Variants in SLC14A2 observed in about 807,000 individuals in gnomAD.
SLC14A2 encodes urea transporter 2.
A neutral mutation model predicts 104.6 loss-of-function variants in SLC14A2; 91 were observed. The ratio of observed to expected loss-of-function variants is 0.87; its 90% CI spans 0.73 to 1.04. The LOEUF (loss-of-function observed/expected upper bound fraction) is 1.04, where lower values mean the gene tolerates loss of function less well. SLC14A2 is among the 50% of genes least tolerant of loss of function. The probability of loss-of-function intolerance (pLI) is 0.00; values close to 1 mark genes in which losing one functional copy is unlikely to be tolerated. For synonymous variants in SLC14A2, 476 were observed against 466.4 expected (o/e 1.02, Z -0.27); for missense variants, 1,189 against 1,156.0 (o/e 1.03, Z -0.41).
At chr18:45,599,107 A>C (rs2044753561) in intron 2 of SLC14A2, among the ~76,000 whole-genome samples, 1 of 152,226 alleles carries the variant, frequency 6.6e-6, no homozygotes, top group Non-Finnish European at 1.5e-5. Flanking sequence ...TATAAATATA[A>C]ACAAGTCTAT....
At chr18:45,295,954 A>G (rs1412243083) in intron 1 of SLC14A2, among the ~76,000 whole-genome samples, 5 of 152,096 alleles carry the variant, frequency 3.3e-5, no homozygotes, top group African/African-American at 7.2e-5. Context: ...AAGGAAAGGA[A>G]GATTCTTAGT....
intron 2 of SLC14A2, among the ~76,000 whole-genome samples, chr18:45,547,084 C>T (rs552641880): frequency 1.2e-4 from 18 of 152,236 alleles, no homozygotes; most frequent in East Asian, 5.8e-4. Flanking sequence ...GCTAATCAGA[C>T]GGTCCAGAGC....
At chr18:45,402,932 T>C (rs1250783257) in intron 1 of SLC14A2, among the ~76,000 whole-genome samples, 1 of 152,210 alleles carries the variant, frequency 6.6e-6, no homozygotes, top group Non-Finnish European at 1.5e-5. Flanking sequence ...TACCTCAACT[T>C]CCAGTTGTTA....
intron 1 of SLC14A2, among the ~76,000 whole-genome samples, chr18:45,251,708 A>G (rs1291425146): frequency 6.6e-6 from 1 of 152,050 alleles, no homozygotes. Context: ...TCCTCTTATA[A>G]CGACACCAGT....
At chr18:45,405,796 G>A (rs1030650943) in intron 1 of SLC14A2, among the ~76,000 whole-genome samples, 7 of 151,854 alleles carry the variant, frequency 4.6e-5, no homozygotes, top group Non-Finnish European at 8.8e-5. Context: ...CTACTGGGGA[G>A]GCTGAGGCAG....
At chr18:45,555,913 G>A (rs2044126968) in intron 2 of SLC14A2, among the ~76,000 whole-genome samples, 1 of 152,202 alleles carries the variant, frequency 6.6e-6, no homozygotes, top group African/African-American at 2.4e-5. Context: ...CGTTGGCATT[G>A]CATTGGAGTG....
chr18:45,207,591 T>C, the SLC14A2 span, among the ~76,000 whole-genome samples: 2 of 152,180 alleles, frequency 1.3e-5, no homozygotes, highest in African/African-American at 4.8e-5. Context: ...TCAGTCATAA[T>C]ACTTAACTGG....
intron 1 of SLC14A2, among the ~76,000 whole-genome samples, chr18:45,343,763 G>A (rs2085420567): frequency 6.6e-6 from 1 of 152,106 alleles, no homozygotes; most frequent in African/African-American, 2.4e-5. Context: ...TGATTCCTTT[G>A]AGTAATCAAA....
chr18:45,474,241 C>A (rs1396256478), intron 1 of SLC14A2, among the ~76,000 whole-genome samples: 1 of 152,036 alleles, frequency 6.6e-6, no homozygotes, highest in Non-Finnish European at 1.5e-5. Context: ...TTGATCGTGG[C>A]GGATAAGCTT....
chr18:45,343,354 C>A (rs1009187529), intron 1 of SLC14A2, among the ~76,000 whole-genome samples: 1 of 151,936 alleles, frequency 6.6e-6, no homozygotes. Context: ...TCAGAGGTAA[C>A]CAATGCTAGG....
At chr18:45,610,517 G>A (rs1319752765), upstream of SLC14A2, among the ~76,000 whole-genome samples, 1 of 152,162 alleles carries the variant, frequency 6.6e-6, no homozygotes, top group African/African-American at 2.4e-5. Flanking sequence ...GAGGATCTCA[G>A]TTCTCAGGGC....
At chr18:45,585,546 A>C (rs1039284420) in intron 2 of SLC14A2, among the ~76,000 whole-genome samples, 5 of 152,240 alleles carry the variant, frequency 3.3e-5, no homozygotes, top group Non-Finnish European at 7.3e-5. Context: ...GCATTCTACC[A>C]GAGAAGTTGA....
intron 1 of SLC14A2, among the ~76,000 whole-genome samples, chr18:45,481,805 T>C (rs1050484244): frequency 2.6e-5 from 4 of 152,226 alleles, no homozygotes; most frequent in Non-Finnish European, 4.4e-5. Flanking sequence ...TCTGTGTCCA[T>C]TGAAAGATAA....
At chr18:45,654,387 T>G (rs1207954101) in intron 10 of SLC14A2, among the ~76,000 whole-genome samples, 2 of 152,116 alleles carry the variant, frequency 1.3e-5, no homozygotes, top group African/African-American at 2.4e-5. Context: ...GGAAGCTGCT[T>G]CTTTCTAGTC....
chr18:45,551,125 C>A (rs2044049865), intron 2 of SLC14A2, among the ~76,000 whole-genome samples: 1 of 152,082 alleles, frequency 6.6e-6, no homozygotes, highest in South Asian at 2.1e-4. Context: ...GCCCTAAGTT[C>A]ATTCTGTACT....
At chr18:45,370,079 C>G (rs1227413508) in intron 1 of SLC14A2, among the ~76,000 whole-genome samples, 1 of 152,208 alleles carries the variant, frequency 6.6e-6, no homozygotes, top group Non-Finnish European at 1.5e-5. Context: ...TTTGGTATTT[C>G]TCTACCTTTC....
chr18:45,222,558 G>A (rs1011015775), intron 1 of SLC14A2, among the ~76,000 whole-genome samples: 3 of 152,134 alleles, frequency 2.0e-5, no homozygotes, highest in African/African-American at 7.2e-5. Context: ...GGATGGTTGT[G>A]ATTTACATAG....
chr18:45,580,606 A>G (rs2044476303), intron 2 of SLC14A2, among the ~76,000 whole-genome samples: 1 of 152,240 alleles, frequency 6.6e-6, no homozygotes, highest in African/African-American at 2.4e-5. Context: ...GGCTTAGCAT[A>G]TGCCAGCCCT....
chr18:45,652,074 A>C (rs907349554), intron 10 of SLC14A2, among the ~76,000 whole-genome samples: 1 of 152,202 alleles, frequency 6.6e-6, no homozygotes, highest in Admixed American at 6.5e-5. Flanking sequence ...ACATTTGTTT[A>C]TGCTTTCCTG....
Sources: gnomAD v4.1 joint callset for allele counts (sites outside exome capture counted in the v4.1 genomes callset) on GRCh38, gnomAD v4.1.1 for gene constraint, MANE v1.5 for transcripts, NCBI Gene and HGNC (gene_info 2026-07-23, HGNC 2026-07-21) for gene names.